Variants in MYO10 observed in about 807,000 individuals in gnomAD.
MYO10 encodes the protein unconventional myosin-X.
In MYO10, 133 loss-of-function variants were observed where a neutral mutation model predicts 257.3. The ratio of observed to expected loss-of-function variants is 0.52; its 90% CI spans 0.45 to 0.60. MYO10 has a LOEUF of 0.60. Ranked by LOEUF, MYO10 falls within the 20% of genes least tolerant of loss-of-function variation. The pLI, the probability that MYO10 is intolerant of heterozygous loss-of-function variation, is 0.00. For missense variants in MYO10, 2,399 were observed against 2,635.7 expected (o/e 0.91, Z 1.97); for synonymous variants, 1,104 against 1,028.6 (o/e 1.07, Z -1.40).
At chr5:16,838,400 C>T (rs1019964778) in intron 2 of MYO10, among the ~76,000 whole-genome samples, 1 of 152,224 alleles carries the variant, frequency 6.6e-6, no homozygotes, top group African/African-American at 2.4e-5. Context: ...CCAGCCACAA[C>T]AATCCCTTCA....
chr5:16,911,129 T>TC (rs1342485512), intron 1 of MYO10, among the ~76,000 whole-genome samples: 1 of 151,860 alleles, frequency 6.6e-6, no homozygotes, highest in Non-Finnish European at 1.5e-5. Flanking sequence ...ATGGCAATAC[T>TC]CCATCTCTAA....
chr5:16,917,706 G>A lies in MYO10; in HGVS notation c.21+18082C>T, dbSNP rs1261355456. Among the ~76,000 whole-genome samples, 13 of 149,418 alleles carry A rather than the reference G, an allele frequency of 8.7e-5. 1 individual carries two copies. The South Asian group carries it at 2.1e-3, about 24-fold the overall frequency. On this transcript the variant is annotated intron_variant, in intron 1 of 40. Coordinates refer to ENST00000513610, the MANE Select transcript of MYO10 (RefSeq NM_012334.3). ...AGACCCATCTCTACAAAAAAAAAAA[G>A]GAAAAAAAAAAGAAAAAATCAGATG...
At chr5:16,874,344 C>CTGG (rs796101418) in intron 2 of MYO10, among the ~76,000 whole-genome samples, 13 of 28,472 alleles carry the variant, frequency 4.6e-4, no homozygotes, top group African/African-American at 1.2e-3. Context: ...AAAAAAAAAG[C>CTGG]GGGGGGGGGG....
rs371667475 is a variant in MYO10 at position 16,671,558 on chromosome 5, A to G, written c.5310-16T>C. 1.2e-6 allele frequency: 2 copies of G among 1,613,778 alleles called. No homozygotes were observed. Among genetic ancestry groups the G allele is most frequent in the Non-Finnish European group, 1.7e-6 (2 of 1,179,848 alleles). On this transcript the variant is annotated splice_polypyrimidine_tract_variant and intron_variant, in intron 37 of 40. Coordinates refer to ENST00000513610, the MANE Select transcript of MYO10 (RefSeq NM_012334.3). ...GGCAGCCAGCCTACAGAGAGGAGTC[A>G]AGAGAGGCTCAGAATATGAACGAGA...
chr5:16,789,690 G>A (rs1741697182), intron 4 of MYO10, among the ~76,000 whole-genome samples: 1 of 152,194 alleles, frequency 6.6e-6, no homozygotes, highest in Non-Finnish European at 1.5e-5. Flanking sequence ...CTACCTGGGA[G>A]GCTGAAGCAG....
intron 2 of MYO10, among the ~76,000 whole-genome samples, chr5:16,860,562 C>A (rs140142421): frequency 1.3e-5 from 2 of 152,124 alleles, no homozygotes; most frequent in African/African-American, 4.8e-5. Context: ...GTCAGAGAAA[C>A]GCACTTGCAG....
intron 19 of MYO10, among the ~76,000 whole-genome samples, chr5:16,745,285 T>C (rs956778848): frequency 6.6e-6 from 1 of 151,856 alleles, no homozygotes; most frequent in Admixed American, 6.6e-5. Context: ...GAGGTTGCAG[T>C]GAGCCAAGAT....
chr5:16,928,132 C>T (rs982055410), intron 1 of MYO10, among the ~76,000 whole-genome samples: 10 of 152,072 alleles, frequency 6.6e-5, no homozygotes, highest in African/African-American at 1.9e-4. Flanking sequence ...CAAATGAGTC[C>T]CACATTTTCT....
rs374268245 is a variant in MYO10, at chr5:16,670,694, C to T, written c.5715G>A (p.Glu1905=). Residue 1905 remains glutamate, a synonymous_variant, in exon 39 of 41, where the codon GAG becomes GAA. Transcript: ENST00000513610. The part of the protein sequence containing the change: ...TGSVVRQKVE[E]EQMLDMWIKE... ...TAATCCACATGTCCAGCATCTGCTC[C>T]TCCTCGACCTTCTGCCGGACCACGG... The T allele has an allele frequency of 3.7e-5, 60 of 1,614,038 alleles. 1 individual carries two copies. In the Middle Eastern group the frequency reaches 4.9e-4, roughly 13 times the overall value.
chr5:16,772,360 C>T (rs537975376), intron 9 of MYO10, among the ~76,000 whole-genome samples: 1 of 151,942 alleles, frequency 6.6e-6, no homozygotes, highest in Admixed American at 6.6e-5. Flanking sequence ...CTCGAACTCC[C>T]GACCTCAGGT....
chr5:16,678,069 C>A (rs27501), intron 33 of MYO10, among the ~76,000 whole-genome samples: 5 of 151,948 alleles, frequency 3.3e-5, no homozygotes, highest in African/African-American at 7.3e-5. Flanking sequence ...CTGAAAAATC[C>A]TATGTACTCT....
chr5:16,927,258 C>T (rs1469097821), intron 1 of MYO10, among the ~76,000 whole-genome samples: 1 of 143,686 alleles, frequency 7.0e-6, no homozygotes, highest in East Asian at 2.1e-4. Flanking sequence ...CTACCACAAA[C>T]ATGAAGAGCC....
At chr5:16,929,935 G>A (rs1426428949) in intron 1 of MYO10, among the ~76,000 whole-genome samples, 1 of 151,902 alleles carries the variant, frequency 6.6e-6, no homozygotes, top group Non-Finnish European at 1.5e-5. Flanking sequence ...CATAATCAAG[G>A]GAAAAAGTTA....
In MYO10 at chr5:16,694,372, T is replaced by C. The variant is rs745957537; in HGVS notation, c.3799A>G (p.Lys1267Glu). Residue 1267 changes from lysine (K) to glutamate (E), a missense_variant and splice_region_variant, in exon 27 of 41, where the codon AAA becomes GAA. By Grantham distance (56) the Lys-to-Glu change is moderately conservative. Transcript: ENST00000513610. ...CCACAGCCAGGCTTAGCAACCTACT[T>C]TGCCGTTCGCACTTCTACGGTGCCC... ...LKGTVEVRTA[K>E]EIIDNTTKEN... 2.5e-6 allele frequency: 4 copies of C among 1,614,004 alleles called. No individual in the cohort carries two copies. The highest frequency in any genetic ancestry group is 1.1e-5 in the South Asian group (1 of 91,082).
At chr5:16,737,374 GCA>G (rs1367721713) in intron 19 of MYO10, among the ~76,000 whole-genome samples, 4 of 152,156 alleles carry the variant, frequency 2.6e-5, no homozygotes, top group Admixed American at 2.0e-4. Flanking sequence ...ACAGTGGCTA[GCA>G]CAGAGCAGTT....
chr5:16,825,287 T>C (rs1742968157), intron 2 of MYO10, among the ~76,000 whole-genome samples: 1 of 152,150 alleles, frequency 6.6e-6, no homozygotes, highest in African/African-American at 2.4e-5. Context: ...CCTTATTCTA[T>C]CACGTGTGTG....
intron 19 of MYO10, among the ~76,000 whole-genome samples, chr5:16,712,384 G>A (rs1224906403): frequency 6.6e-6 from 1 of 152,150 alleles, no homozygotes; most frequent in Non-Finnish European, 1.5e-5. Context: ...TCAGAGGAAA[G>A]CAAAAAAGTG....
At chr5:16,776,432 G>C (rs1416188471) in intron 9 of MYO10, among the ~76,000 whole-genome samples, 1 of 152,002 alleles carries the variant, frequency 6.6e-6, no homozygotes, top group Admixed American at 6.6e-5. Context: ...AGTTTTCATT[G>C]ATACACCTGC....
At chr5:16,755,630 T>G (rs1351742619) in intron 18 of MYO10, among the ~76,000 whole-genome samples, 2 of 152,108 alleles carry the variant, frequency 1.3e-5, no homozygotes, top group East Asian at 3.8e-4. Flanking sequence ...AGCACTTCAC[T>G]GGTCTCTGAG....
Sources: allele counts gnomAD v4.1 joint callset (sites outside exome capture counted in the v4.1 genomes callset), GRCh38; gene constraint gnomAD v4.1.1; transcripts MANE v1.5; gene names NCBI Gene and HGNC (gene_info 2026-07-23, HGNC 2026-07-21).